The following AFF2 variants were observed in gnomAD, a reference collection of about 807,000 sequenced individuals.
AFF2 encodes ALF transcription elongation factor 2.
Under a neutral mutation model 76.9 loss-of-function variants are expected in AFF2, and 14 were observed. The ratio of observed to expected loss-of-function variants is 0.18; its 90% CI spans 0.12 to 0.28. AFF2 has a LOEUF of 0.28. AFF2 is among the 10% of genes least tolerant of loss of function. The pLI, the probability that AFF2 is intolerant of heterozygous loss-of-function variation, is 1.00. For missense variants in AFF2, 868 were observed against 1,001.1 expected, an observed-to-expected ratio of 0.87 and a Z score of 1.79; for synonymous variants, 398 against 366.7, an observed-to-expected ratio of 1.09 and a Z score of -0.98.
At chrX:148,752,810 A>G (rs2055517476) in intron 3 of AFF2, among the ~76,000 whole-genome samples, 1 of 112,048 alleles carries the variant, frequency 8.9e-6, no homozygotes, top group African/African-American at 3.2e-5. Flanking sequence ...TTTTCGTTAT[A>G]CTATTTTAAT....
At position 148,881,421 on chromosome X, in the gene AFF2, T is replaced by C. The variant is rs149263734; in HGVS notation, c.1263-4468T>C. On this transcript the variant is annotated intron_variant, in intron 7 of 20. Transcript: ENST00000370460. Reference sequence around the variant, plus strand: ...CTGGATCAGCAGGTAGCTTCCCAGGTATAAAGGTCAGAACATCGGGACCAC... The same window carrying C: ...CTGGATCAGCAGGTAGCTTCCCAGGCATAAAGGTCAGAACATCGGGACCAC... Among the ~76,000 whole-genome samples, 457 of 111,007 alleles carry C rather than the reference T, an allele frequency of 4.1e-3. 2 individuals are homozygous for C. Among genetic ancestry groups the C allele is most frequent in the African/African-American group, 0.015 (446 of 30,569 alleles).
At chrX:148,592,903 A>G (rs2053536953) in intron 1 of AFF2, among the ~76,000 whole-genome samples, 4 of 112,375 alleles carry the variant, frequency 3.6e-5, no homozygotes, top group African/African-American at 1.3e-4. Flanking sequence ...TTCCTTACCC[A>G]AAAGTAGCCC....
intron 3 of AFF2, among the ~76,000 whole-genome samples, chrX:148,709,457 C>T (rs1412142090): frequency 8.9e-6 from 1 of 111,897 alleles, no homozygotes; most frequent in Non-Finnish European, 1.9e-5. Flanking sequence ...AAGGGAAAAA[C>T]ACAATATGTT....
intron 4 of AFF2, among the ~76,000 whole-genome samples, chrX:148,821,214 T>G: frequency 9.0e-6 from 1 of 111,697 alleles, no homozygotes; most frequent in Non-Finnish European, 1.9e-5. Flanking sequence ...TATGCCCTAA[T>G]TCTCAGAATT....
At chrX:148,802,623 TGAA>T (rs2070074965) in intron 3 of AFF2, among the ~76,000 whole-genome samples, 1 of 111,635 alleles carries the variant, frequency 9.0e-6, no homozygotes. Context: ...GGCTGGCGAG[TGAA>T]GAAGTGAATT....
intron 1 of AFF2, among the ~76,000 whole-genome samples, chrX:148,573,451 C>T (rs2053251742): frequency 9.0e-6 from 1 of 111,034 alleles, no homozygotes; most frequent in South Asian, 3.8e-4. Context: ...TTGTGAGTGT[C>T]TGTGGAATGC....
intron 1 of AFF2, among the ~76,000 whole-genome samples, chrX:148,613,887 C>T (rs2053759029): frequency 8.9e-6 from 1 of 112,240 alleles, no homozygotes; most frequent in African/African-American, 3.2e-5. Context: ...TGTTTTTGTA[C>T]TTAGCCGTGA....
rs183535482 is a variant in AFF2, at chrX:148,744,886, C to A, written c.1042-64990C>A. 8.9e-5 allele frequency among the ~76,000 whole-genome samples: 10 copies of A among 111,739 alleles called. No homozygotes were observed. In the East Asian group the frequency reaches 2.5e-3, roughly 28 times the overall value. Reference sequence around the variant, plus strand: ...TTAATCCTAGACTTGTCATGATTTTCTCTCTGTGATTTATCTATAAAGTAG... The same window carrying A: ...TTAATCCTAGACTTGTCATGATTTTATCTCTGTGATTTATCTATAAAGTAG... On this transcript the variant is annotated intron_variant, in intron 3 of 20. Coordinates refer to ENST00000370460, the MANE Select transcript of AFF2 (RefSeq NM_002025.4).
rs2072581569 is a variant in AFF2 at position 148,995,239 on chromosome X, AACAG to A, written c.*3909_*3912del. 9.0e-6 allele frequency: 1 copy of A among 110,833 alleles called. No homozygotes were observed. Among genetic ancestry groups the A allele is most frequent in the South Asian group, 4.0e-4 (1 of 2,523 alleles). 9.1% of individuals were successfully genotyped at this position (110,833 alleles called of 1,213,427 possible). A position where few individuals can be genotyped will look rare whatever the true frequency, so the allele number is the denominator to read the frequency against. The stretch of plus-strand genomic sequence containing the variant: ...CTCTTTAGTGTTAGTAGACTCCAAC[AACAG>A]AAGTGGCATCTGTGTATTCATAATC... On this transcript the variant is annotated 3_prime_UTR_variant, in exon 21 of 21. Coordinates refer to ENST00000370460, the MANE Select transcript of AFF2 (RefSeq NM_002025.4).
At chrX:148,536,801 C>A (rs890574334) in intron 1 of AFF2, among the ~76,000 whole-genome samples, 3 of 111,673 alleles carry the variant, frequency 2.7e-5, no homozygotes, top group African/African-American at 9.8e-5. Context: ...TATGTGACTC[C>A]TAGACACCCA....
At chrX:148,659,640 C>T (rs2054285699) in intron 2 of AFF2, among the ~76,000 whole-genome samples, 1 of 112,138 alleles carries the variant, frequency 8.9e-6, no homozygotes, top group Non-Finnish European at 1.9e-5. Context: ...GTTTGACAGG[C>T]CAAAACAACC....
chrX:148,797,790 C>A (rs1557270628), intron 3 of AFF2, among the ~76,000 whole-genome samples: 1 of 111,820 alleles, frequency 8.9e-6, no homozygotes, highest in African/African-American at 3.2e-5. Context: ...CTAGAAATTC[C>A]CATATTTGGC....
chrX:148,789,554 A>G (rs2069865151), intron 3 of AFF2, among the ~76,000 whole-genome samples: 1 of 111,586 alleles, frequency 9.0e-6, no homozygotes, highest in Non-Finnish European at 1.9e-5. Context: ...CACCAAAGGC[A>G]CACAACTAGG....
intron 1 of AFF2, among the ~76,000 whole-genome samples, chrX:148,556,393 G>A (rs1420899034): frequency 8.9e-6 from 1 of 111,790 alleles, no homozygotes; most frequent in Non-Finnish European, 1.9e-5. Flanking sequence ...CATACTTAAG[G>A]TTATATCAGC....
rs782074979 is a variant in AFF2, at chrX:148,919,189, C to T, written c.1397+14931C>T. ...CAATTCCCAAGATTCGGCACTGACA[C>T]AAAGCTTTTTAACTACTGATATAGG... On this transcript the variant is annotated intron_variant, in intron 9 of 20. Coordinates refer to ENST00000370460, the MANE Select transcript of AFF2 (RefSeq NM_002025.4). 1.3e-4 allele frequency among the ~76,000 whole-genome samples: 14 copies of T among 111,770 alleles called. No individual in the cohort carries two copies. The East Asian group carries it at 3.7e-3, about 29-fold the overall frequency.
chrX:148,557,007 G>A (rs2124299123), intron 1 of AFF2, among the ~76,000 whole-genome samples: 1 of 112,071 alleles, frequency 8.9e-6, no homozygotes, highest in East Asian at 2.8e-4. Context: ...GCAAGATTTG[G>A]TGAGTAAGGA....
At chrX:148,770,484 A>G (rs1360965704) in intron 3 of AFF2, among the ~76,000 whole-genome samples, 1 of 112,016 alleles carries the variant, frequency 8.9e-6, no homozygotes, top group Non-Finnish European at 1.9e-5. Flanking sequence ...TCATTCCAAG[A>G]GCAGGAGGTA....
At chrX:148,801,028 T>G (rs1240059134) in intron 3 of AFF2, among the ~76,000 whole-genome samples, 1 of 111,866 alleles carries the variant, frequency 8.9e-6, no homozygotes, top group Non-Finnish European at 1.9e-5. Flanking sequence ...TCCTCAAGCC[T>G]TGGGGCTTAA....
intron 7 of AFF2, among the ~76,000 whole-genome samples, chrX:148,852,994 A>T (rs1473743203): frequency 9.0e-6 from 1 of 111,644 alleles, no homozygotes; most frequent in African/African-American, 3.3e-5. Context: ...GTCCCAGAAC[A>T]GTTAAATGAC....
Sources: allele counts gnomAD v4.1 joint callset (sites outside exome capture counted in the v4.1 genomes callset), GRCh38; gene constraint gnomAD v4.1.1; transcripts MANE v1.5; gene names NCBI Gene and HGNC (gene_info 2026-07-23, HGNC 2026-07-21).